Variants in TOP3B observed in about 807,000 individuals in gnomAD.
TOP3B encodes the protein DNA topoisomerase III beta, also known as DNA topoisomerase 3-beta-1.
In TOP3B, 45 loss-of-function variants were observed where a neutral mutation model predicts 93.9. That is an observed-to-expected ratio of 0.48 (90% CI 0.38 to 0.61). TOP3B has a LOEUF of 0.61. Ranked by LOEUF, TOP3B falls within the 20% of genes least tolerant of loss-of-function variation. The pLI, the probability that TOP3B is intolerant of heterozygous loss-of-function variation, is 0.00. For synonymous variants in TOP3B, 357 were observed against 472.6 expected (o/e 0.76, Z 3.17); for missense variants, 750 against 1,156.1 (o/e 0.65, Z 5.09).
chr22:21,957,855 C>T lies in TOP3B; in HGVS notation c.2108-260G>A, dbSNP rs543680551. 66 of 1,526,984 alleles carry T rather than the reference C, an allele frequency of 4.3e-5. 1 individual carries two copies. In the African/African-American group the frequency reaches 8.7e-4, roughly 20 times the overall value. 94.6% of individuals were successfully genotyped at this position (1,526,984 alleles called of 1,614,324 possible). On this transcript the variant is annotated intron_variant, in intron 17 of 17. Coordinates refer to ENST00000357179, the MANE Select transcript of TOP3B (RefSeq NM_001282112.2). ...TGGGTTTCAGCTGACTCCATCCCCC[C>T]TTTGCTTTGCTGCCAGCTTGTTACT...
intron 9 of TOP3B, chr22:21,964,907 G>T: frequency 5.5e-6 from 1 of 181,004 alleles, no homozygotes. Flanking sequence ...TGCGGGGGTG[G>T]GGGGCACCAA....
At chr22:21,980,192 A>G (rs2145891187) in intron 1 of TOP3B, among the ~76,000 whole-genome samples, 1 of 152,336 alleles carries the variant, frequency 6.6e-6, no homozygotes, top group Middle Eastern at 3.4e-3. Context: ...AAACAGTCCA[A>G]GCAATCACCT....
chr22:21,968,220 G>A (rs2071492050), intron 7 of TOP3B: 1 of 236,790 alleles, frequency 4.2e-6, no homozygotes, highest in Non-Finnish European at 8.3e-6. Flanking sequence ...CAGTCACTGT[G>A]CCTAGCTGTA....
intron 8 of TOP3B, 144 bp downstream of exon 8, chr22:21,967,459 T>C (rs2145852738): frequency 1.5e-6 from 1 of 676,566 alleles, no homozygotes. Flanking sequence ...GGAGTAACCA[T>C]TCAGCTTTCC....
In TOP3B at chr22:21,959,624, G is replaced by C; in HGVS notation, c.1767C>G (p.Phe589Leu). The C allele has an allele frequency of 6.2e-7, 1 of 1,613,440 alleles. No homozygotes were observed. The stretch of plus-strand genomic sequence containing the variant: ...CGACAAAGTAGTGGAACTTCCTCTT[G>C]AACACGTCCAGGGTGTGGCCCAGGA... ...RQVLGHTLDV[F>L]KRKFHYFVDS... is the part of the protein sequence containing the mutation. The change falls in exon 15 of 18, where the codon TTC (phenylalanine) becomes TTG (leucine). Residue 589 changes from phenylalanine (F) to leucine (L), a missense_variant. Phe to Leu is a conservative substitution (Grantham distance 22). This residue lies in a region of TOP3B where 737 missense variants were observed against 933.7 expected (regional missense o/e 0.79). Coordinates refer to ENST00000357179, the MANE Select transcript of TOP3B (RefSeq NM_001282112.2).
In TOP3B at chr22:21,971,458, G is replaced by GGCAGGAGATGAGCAGAGCGAGGCCT. The variant is rs2071635426; in HGVS notation, c.384+394_384+418dup. 3.1e-6 allele frequency: 1 copy of GGCAGGAGATGAGCAGAGCGAGGCCT among 324,654 alleles called. No homozygotes were observed. Among genetic ancestry groups the GGCAGGAGATGAGCAGAGCGAGGCCT allele is most frequent in the South Asian group, 2.5e-5 (1 of 40,562 alleles). 20.1% of individuals were successfully genotyped at this position (324,654 alleles called of 1,614,324 possible). On this transcript the variant is annotated intron_variant, in intron 5 of 17. Transcript: ENST00000357179. The surrounding 1 kb of genome is among the most constrained non-coding windows in gnomAD (Gnocchi z 4.6). Reference sequence around the variant, plus strand: ...TGGAGGCAGGAGGCATCCTGGATGAGGCAGGAGATGAGCAGAGCGAGGCCT... The same window carrying GGCAGGAGATGAGCAGAGCGAGGCCT: ...TGGAGGCAGGAGGCATCCTGGATGAGGCAGGAGATGAGCAGAGCGAGGCCTGCAGGAGATGAGCAGAGCGAGGCCT...
At chr22:21,967,345 AG>A (rs2071452742) in intron 8 of TOP3B, 2 of 440,082 alleles carry the variant, frequency 4.5e-6, no homozygotes, top group East Asian at 4.1e-5. Flanking sequence ...GGAGAGTGGA[AG>A]GGGTCCGACA....
Position 21,971,779 on chromosome 22 carries a change from C to T in TOP3B, c.384+98G>A. On this transcript the variant is annotated intron_variant, in intron 5 of 17. Coordinates refer to ENST00000357179, the MANE Select transcript of TOP3B (RefSeq NM_001282112.2). This position sits in a 1 kb window ranked among gnomAD's most constrained non-coding sequence, Gnocchi z 4.6. Reference sequence around the variant, plus strand: ...TTTAAACCGGTACAGTTTACTCCCTCCTTTGGCCCCAGGAGTGATGTGACT... The same window carrying T: ...TTTAAACCGGTACAGTTTACTCCCTTCTTTGGCCCCAGGAGTGATGTGACT... 1 of 1,071,622 alleles carries T rather than the reference C, an allele frequency of 9.3e-7. No homozygotes were observed. Among genetic ancestry groups the T allele is most frequent in the Non-Finnish European group, 1.4e-6 (1 of 692,878 alleles). The allele number at this position is 1,071,622 out of a possible 1,614,324, so 66.4% of individuals were successfully genotyped here. A position where few individuals can be genotyped will look rare whatever the true frequency, so the allele number is the denominator to read the frequency against.
intron 15 of TOP3B, 131 bp from the exon 16 acceptor site, chr22:21,959,363 C>A: frequency 6.7e-7 from 1 of 1,503,084 alleles, no homozygotes. Flanking sequence ...GGCAGCACGG[C>A]AGGGCAGCAG....
In TOP3B at chr22:21,970,347, G is replaced by GA; in HGVS notation, c.443dup (p.Arg149ProfsTer5). ...CCGTGATGGAGCTAAACCTGGCCCG[G>GA]AACACGGTCTTCTCGCCACCATGGG... On this transcript the variant is annotated frameshift_variant, in exon 6 of 18. Transcript: ENST00000357179. LOFTEE classifies it high-confidence loss of function. The surrounding 1 kb of genome is among the most constrained non-coding windows in gnomAD (Gnocchi z 4.4). The GA allele has an allele frequency of 1.2e-6, 2 of 1,614,064 alleles. No individual in the cohort carries two copies. The highest frequency in any genetic ancestry group is 1.7e-6 in the Non-Finnish European group (2 of 1,179,972).
chr22:21,974,257 G>T, intron 3 of TOP3B, 100 bp downstream of exon 3: 1 of 1,459,074 alleles, frequency 6.9e-7, no homozygotes. Context: ...ATGGAGTTGG[G>T]ACAAACTTCC....
At chr22:21,968,245 G>A (rs2071492991) in intron 7 of TOP3B, 4 of 238,022 alleles carry the variant, frequency 1.7e-5, no homozygotes, top group Non-Finnish European at 8.2e-6. Context: ...GTCTTACAGT[G>A]AGCTTCTGTG....
chr22:21,978,292 G>A (rs528855718), intron 1 of TOP3B, among the ~76,000 whole-genome samples: 8 of 151,994 alleles, frequency 5.3e-5, no homozygotes, highest in Non-Finnish European at 8.8e-5. Context: ...AGCTGGGCAT[G>A]GGCTCACACC....
rs1174645764 is a variant in TOP3B, at chr22:21,960,396, CAT to C, written c.1577_1578del (p.Tyr526CysfsTer24). On this transcript the variant is annotated frameshift_variant, in exon 14 of 18. Coordinates refer to ENST00000357179, the MANE Select transcript of TOP3B (RefSeq NM_001282112.2). LOFTEE classifies it high-confidence loss of function. ...AGCCGGCGCCCGCTCTCCACCGTGA[CAT>C]AGTTGCGCTGGCAGATGTTGTTGAT... ...VHINNICQRN[Y>X]VTVESGRRLK... The C allele has an allele frequency of 6.2e-7, 1 of 1,613,756 alleles. No homozygotes were observed. Among genetic ancestry groups the C allele is most frequent in the South Asian group, 1.1e-5 (1 of 91,078 alleles).
chr22:21,958,267 G>A lies in TOP3B; in HGVS notation c.2107+225C>T, dbSNP rs963917953. On this transcript the variant is annotated intron_variant, in intron 17 of 17. Transcript: ENST00000357179. ...ACACCTGTGCCCAGGTCCTGAGGGT[G>A]GACTAGGGTTGCCTGCTCGATTCTG... 10 of 1,395,256 alleles carry A rather than the reference G, an allele frequency of 7.2e-6. No homozygotes were observed. The African/African-American group carries it at 1.3e-4, about 18-fold the overall frequency. 86.4% of individuals were successfully genotyped at this position (1,395,256 alleles called of 1,614,324 possible). A position where few individuals can be genotyped will look rare whatever the true frequency, so the allele number is the denominator to read the frequency against.
At chr22:21,977,654 G>C (rs1423776604) in intron 1 of TOP3B, 3 of 152,076 alleles carry the variant, frequency 2.0e-5, no homozygotes, top group Non-Finnish European at 4.4e-5. Context: ...TTATCACATA[G>C]GGAGAGACTC....
Position 21,975,744 on chromosome 22 carries a change from A to C in TOP3B, c.-35T>G, listed in dbSNP as rs1387354715. 1.3e-6 allele frequency: 2 copies of C among 1,588,394 alleles called. No homozygotes were observed. Among genetic ancestry groups the C allele is most frequent in the Admixed American group, 1.7e-5 (1 of 59,216 alleles). On this transcript the variant is annotated 5_prime_UTR_variant, in exon 2 of 18. Coordinates refer to ENST00000357179, the MANE Select transcript of TOP3B (RefSeq NM_001282112.2). ...GTCCTTCACACTCCAGTTTCGGGGC[A>C]CTGGCAATGAAAAAGTTTAGACTCC...
Position 21,968,554 on chromosome 22 carries a change from A to G in TOP3B, c.738+65T>C. 3 of 1,592,914 alleles carry G rather than the reference A, an allele frequency of 1.9e-6. No individual in the cohort carries two copies. The East Asian group carries it at 6.7e-5, about 36-fold the overall frequency. ...GGGGCCTGCCGGCTGATGATGATGG[A>G]AGACTCTCAGAATCCATGCCCCAAA... is the stretch of plus-strand genomic sequence containing the variant. On this transcript the variant is annotated intron_variant, in intron 7 of 17. Transcript: ENST00000357179.
chr22:21,959,758 A>C, intron 14 of TOP3B, 22 bp from the exon 15 acceptor site: 1 of 1,609,312 alleles, frequency 6.2e-7, no homozygotes, highest in Non-Finnish European at 8.5e-7. Context: ...CAGGGGGCAG[A>C]TATTGCCCTG....
Sources: allele counts gnomAD v4.1 joint callset (sites outside exome capture counted in the v4.1 genomes callset), GRCh38; gene constraint gnomAD v4.1.1; regional missense constraint gnomAD v4.1.1; non-coding constraint Gnocchi (gnomAD v3.1); transcripts MANE v1.5; gene names NCBI Gene and HGNC (gene_info 2026-07-23, HGNC 2026-07-21).